The following B3GLCT variants were observed in gnomAD, a reference collection of about 807,000 sequenced individuals.
B3GLCT encodes beta-1,3-glucosyltransferase.
In B3GLCT, 65 loss-of-function variants were observed where a neutral mutation model predicts 63.4. The observed-to-expected ratio is 1.03, with a 90% CI of 0.84 to 1.26. The LOEUF is 1.26. B3GLCT is among the 50% of genes most tolerant of loss of function. The pLI, the probability that B3GLCT is intolerant of heterozygous loss-of-function variation, is 0.00. For synonymous variants in B3GLCT, 233 were observed against 219.2 expected, an observed-to-expected ratio of 1.06 and a Z score of -0.55; for missense variants, 577 against 604.8, an observed-to-expected ratio of 0.95 and a Z score of 0.48.
At chr13:31,245,427 G>A (rs1051665889) in intron 4 of B3GLCT, among the ~76,000 whole-genome samples, 2 of 152,032 alleles carry the variant, frequency 1.3e-5, no homozygotes, top group Admixed American at 6.6e-5. Context: ...GATTTTTAAA[G>A]CATATATCTC....
chr13:31,245,817 C>T (rs557449881), intron 4 of B3GLCT, among the ~76,000 whole-genome samples: 2 of 152,220 alleles, frequency 1.3e-5, no homozygotes, highest in South Asian at 4.1e-4. Context: ...AAAATTACTG[C>T]ATAATTCAGA....
Position 31,222,939 on chromosome 13 carries a change from A to G in B3GLCT, c.121-13A>G, listed in dbSNP as rs1284934864. ...ACTGAGATTCATCTTTTTCTCTTTC[A>G]TTTAAAATACAGGATTTGGAGAAAA... On this transcript the variant is annotated splice_polypyrimidine_tract_variant and intron_variant, in intron 2 of 14. Coordinates refer to ENST00000343307, the MANE Select transcript of B3GLCT (RefSeq NM_194318.4). 6.7e-7 allele frequency: 1 copy of G among 1,497,594 alleles called. No homozygotes were observed. The highest frequency in any genetic ancestry group is 9.3e-7 in the Non-Finnish European group (1 of 1,074,880). The allele number at this position is 1,497,594 out of a possible 1,614,324, so 92.8% of individuals were successfully genotyped here.
At chr13:31,302,086 A>C (rs1251918634) in intron 12 of B3GLCT, among the ~76,000 whole-genome samples, 1 of 152,082 alleles carries the variant, frequency 6.6e-6, no homozygotes, top group African/African-American at 2.4e-5. Flanking sequence ...TCTCCCCTTC[A>C]TCATTTTCTT....
chr13:31,317,475 A>G (rs1286459163), intron 12 of B3GLCT, 91 bp from the exon 13 acceptor site: 3 of 1,425,474 alleles, frequency 2.1e-6, no homozygotes, highest in Non-Finnish European at 3.0e-6. Flanking sequence ...AGTATTACAC[A>G]GTATACAGAG....
At chr13:31,317,423 T>C (rs1031613278) in intron 12 of B3GLCT, 143 bp from the exon 13 acceptor site, 2 of 942,898 alleles carry the variant, frequency 2.1e-6, no homozygotes, top group Non-Finnish European at 3.3e-6. Context: ...TTTTATTTAT[T>C]TTATAAGTCA....
At chr13:31,312,008 G>C (rs575598573) in intron 12 of B3GLCT, among the ~76,000 whole-genome samples, 1 of 152,328 alleles carries the variant, frequency 6.6e-6, no homozygotes, top group Non-Finnish European at 1.5e-5. Context: ...TTGACAAAAA[G>C]AATATCCTGG....
At chr13:31,211,756 C>G (rs1322271038) in intron 1 of B3GLCT, among the ~76,000 whole-genome samples, 2 of 152,136 alleles carry the variant, frequency 1.3e-5, no homozygotes, top group African/African-American at 4.8e-5. Context: ...CAATATCTTT[C>G]CTGTATGTAA....
chr13:31,236,937 G>A (rs142366753), intron 4 of B3GLCT, among the ~76,000 whole-genome samples: 10,133 of 152,140 alleles, frequency 0.067, 407 homozygotes, highest in African/African-American at 0.1. Flanking sequence ...GACCAGCCTG[G>A]CCAACATGGT....
At position 31,329,116 on chromosome 13, in the gene B3GLCT, A is replaced by C. The variant is rs7334883; in HGVS notation, c.1330-385A>C. Reference sequence around the variant, plus strand: ...ATCCTTGTCCCAGCCCCCCACAACAAACTTACGGCCAGTTTCCTTAGAAGT... The same window carrying C: ...ATCCTTGTCCCAGCCCCCCACAACACACTTACGGCCAGTTTCCTTAGAAGT... On this transcript the variant is annotated intron_variant, in intron 14 of 14. Transcript: ENST00000343307. Among the ~76,000 whole-genome samples the C allele has an allele frequency of 5.1e-3, 771 of 152,234 alleles. 8 individuals are homozygous for C. The highest frequency in any genetic ancestry group is 0.018 in the African/African-American group (741 of 41,556).
chr13:31,300,067 C>A (rs1158401706), intron 12 of B3GLCT, among the ~76,000 whole-genome samples: 1 of 152,170 alleles, frequency 6.6e-6, no homozygotes, highest in African/African-American at 2.4e-5. Context: ...GACTTCCAAA[C>A]AGGATGGTAT....
chr13:31,285,077 T>G (rs1873254191), intron 11 of B3GLCT, among the ~76,000 whole-genome samples: 7 of 152,194 alleles, frequency 4.6e-5, no homozygotes, highest in African/African-American at 1.7e-4. Context: ...ACATAAAGCT[T>G]CTCTCCTTGT....
intron 14 of B3GLCT, 136 bp downstream of exon 14, chr13:31,324,031 C>G: frequency 1.7e-6 from 2 of 1,157,106 alleles, no homozygotes; most frequent in Non-Finnish European, 1.3e-6. Context: ...GGGGAATGTC[C>G]TTAACCAGGA....
chr13:31,277,283 C>G (rs1274379570), intron 10 of B3GLCT, among the ~76,000 whole-genome samples: 1 of 151,906 alleles, frequency 6.6e-6, no homozygotes, highest in African/African-American at 2.4e-5. Context: ...AGCCGCGGTA[C>G]AAACAGTGAA....
intron 5 of B3GLCT, among the ~76,000 whole-genome samples, chr13:31,247,484 A>G (rs1369148419): frequency 6.6e-6 from 1 of 152,182 alleles, no homozygotes. Flanking sequence ...CATGTTGGCC[A>G]GGATGGCCTT....
At chr13:31,216,685 A>G (rs1021334463) in intron 2 of B3GLCT, among the ~76,000 whole-genome samples, 4 of 152,214 alleles carry the variant, frequency 2.6e-5, no homozygotes, top group Non-Finnish European at 5.9e-5. Flanking sequence ...CCCACTTATA[A>G]GTGAGAACTT....
intron 6 of B3GLCT, among the ~76,000 whole-genome samples, chr13:31,255,532 T>G (rs1013342741): frequency 1.3e-5 from 2 of 152,142 alleles, no homozygotes; most frequent in Admixed American, 1.3e-4. Context: ...GGAGGCATCA[T>G]GCTACCTGAC....
intron 12 of B3GLCT, among the ~76,000 whole-genome samples, chr13:31,290,434 G>A (rs933462321): frequency 1.3e-4 from 20 of 152,160 alleles, no homozygotes; most frequent in African/African-American, 4.3e-4. Flanking sequence ...TTGAGGGATC[G>A]CCACACTGTC....
Position 31,253,595 on chromosome 13 carries a change from C to CAAAA in B3GLCT, c.459+5652_459+5655dup, listed in dbSNP as rs35512327. Among the ~76,000 whole-genome samples the CAAAA allele has an allele frequency of 3.8e-4, 7 of 18,416 alleles. 1 individual carries two copies. Among genetic ancestry groups the CAAAA allele is most frequent in the East Asian group, 9.4e-3 (2 of 212 alleles). The allele number at this position is 18,416 out of a possible 152,430, so 12.1% of individuals were successfully genotyped here. On this transcript the variant is annotated intron_variant, in intron 6 of 14. Coordinates refer to ENST00000343307, the MANE Select transcript of B3GLCT (RefSeq NM_194318.4). ...TGGGTGACAGAGTGAGACTCCATCT[C>CAAAA]AAAAAAAAAAAAAAAAAAAAAAAAA...
intron 7 of B3GLCT, among the ~76,000 whole-genome samples, chr13:31,261,821 A>G (rs1872046197): frequency 6.6e-6 from 1 of 152,220 alleles, no homozygotes; most frequent in Admixed American, 6.5e-5. Flanking sequence ...TTGTAGATAT[A>G]CAGGATATTA....
Sources: allele counts gnomAD v4.1 joint callset (sites outside exome capture counted in the v4.1 genomes callset), GRCh38; gene constraint gnomAD v4.1.1; transcripts MANE v1.5; gene names NCBI Gene and HGNC (gene_info 2026-07-23, HGNC 2026-07-21).